Variants in PTPRS observed in about 807,000 individuals in gnomAD.
PTPRS encodes the protein receptor-type tyrosine-protein phosphatase S.
In PTPRS, 63 loss-of-function variants were observed where a neutral mutation model predicts 215.3. The observed-to-expected ratio is 0.29, with a 90% confidence interval of 0.24 to 0.36. The LOEUF is 0.36. PTPRS is among the 10% of genes least tolerant of loss of function. The probability of loss-of-function intolerance (pLI) is 1.00; values close to 1 mark genes in which losing one functional copy is unlikely to be tolerated. For missense variants in PTPRS, 2,258 were observed against 2,825.8 expected, an observed-to-expected ratio of 0.80 and a Z score of 4.56; for synonymous variants, 1,404 against 1,191.4, an observed-to-expected ratio of 1.18 and a Z score of -3.68.
rs750900753 is a variant in PTPRS, at chr19:5,215,241, T to C, written c.4318+48A>G. On this transcript the variant is annotated intron_variant, in intron 28 of 37. Coordinates refer to ENST00000262963, the MANE Select transcript of PTPRS (RefSeq NM_002850.4). Reference sequence around the variant, plus strand: ...AGGGGAGACATGGGATCTAGCACTTTCCATGCAGTGGGGAAGGGCAGGTTA... The same window carrying C: ...AGGGGAGACATGGGATCTAGCACTTCCCATGCAGTGGGGAAGGGCAGGTTA... The C allele has an allele frequency of 4.7e-5, 76 of 1,606,462 alleles. No individual in the cohort carries two copies. In the South Asian group the frequency reaches 6.2e-4, roughly 13 times the overall value.
intron 5 of PTPRS, among the ~76,000 whole-genome samples, chr19:5,263,834 T>C (rs963016513): frequency 1.3e-5 from 2 of 152,122 alleles, no homozygotes; most frequent in Non-Finnish European, 2.9e-5. Flanking sequence ...GGCGGACACT[T>C]TGCTCCGGGC....
intron 30 of PTPRS, among the ~76,000 whole-genome samples, 173 bp downstream of exon 30, chr19:5,214,188 C>A (rs78721605): frequency 0.12 from 18,288 of 152,264 alleles, 1,298 homozygotes; most frequent in African/African-American, 0.19. Flanking sequence ...CTCTCTGAGC[C>A]TCAGTTTCCC....
chr19:5,308,829 T>C (rs990397554), intron 1 of PTPRS, among the ~76,000 whole-genome samples: 2 of 152,244 alleles, frequency 1.3e-5, no homozygotes, highest in African/African-American at 2.4e-5. Flanking sequence ...CCACAATGCC[T>C]GGCCAAGCGC....
At chr19:5,288,140 C>T (rs142365396) in intron 1 of PTPRS, among the ~76,000 whole-genome samples, 1 of 152,228 alleles carries the variant, frequency 6.6e-6, no homozygotes, top group East Asian at 1.9e-4. Flanking sequence ...TACACATACA[C>T]AGTTGGGTTA....
intron 2 of PTPRS, among the ~76,000 whole-genome samples, chr19:5,281,704 C>T (rs1425419235): frequency 1.3e-5 from 2 of 152,134 alleles, no homozygotes; most frequent in Admixed American, 6.6e-5. Flanking sequence ...TCACTGTGGC[C>T]GGGTCAAGAA....
intron 28 of PTPRS, among the ~76,000 whole-genome samples, chr19:5,214,990 G>A (rs2041287473): frequency 6.6e-6 from 1 of 152,262 alleles, no homozygotes; most frequent in Non-Finnish European, 1.5e-5. Flanking sequence ...CTCCACGCCA[G>A]CAACATTTCT....
Position 5,218,499 on chromosome 19 carries a change from G to A in PTPRS, c.3969C>T (p.Cys1323=). 3.1e-6 allele frequency: 5 copies of A among 1,614,184 alleles called. No individual in the cohort carries two copies. The highest frequency in any genetic ancestry group is 4.2e-6 in the Non-Finnish European group (5 of 1,180,036). ...KRKDSEPRTK[C]LLNNADLAPH... ...GGGCGAGGTCGGCATTGTTCAGGAG[G>A]CATTTGGTGCGGGGTTCTGAGTCCT... The change falls in exon 25 of 38, where the codon TGC becomes TGT. Residue 1323 remains cysteine (C), a synonymous_variant. Coordinates refer to ENST00000262963, the MANE Select transcript of PTPRS (RefSeq NM_002850.4).
chr19:5,333,134 C>G (rs936823394), intron 1 of PTPRS, among the ~76,000 whole-genome samples: 10 of 151,242 alleles, frequency 6.6e-5, no homozygotes, highest in Non-Finnish European at 1.3e-4. Context: ...GGCGACAGAG[C>G]AAGACTGTCT....
intron 1 of PTPRS, among the ~76,000 whole-genome samples, chr19:5,301,316 T>TG (rs2049296596): frequency 7.4e-6 from 1 of 134,968 alleles, no homozygotes. Flanking sequence ...AAGTTGTTGC[T>TG]GTTTTTTTTT....
chr19:5,249,380 C>G (rs1189425252), intron 9 of PTPRS, among the ~76,000 whole-genome samples: 2 of 152,162 alleles, frequency 1.3e-5, no homozygotes, highest in Admixed American at 1.3e-4. Flanking sequence ...CTACTGAATT[C>G]CCATCTTATT....
At chr19:5,215,461 C>T (rs10407635) in intron 27 of PTPRS, 37 bp downstream of exon 27, 231,201 of 1,606,678 alleles carry the variant, frequency 0.14, 19,451 homozygotes, top group African/African-American at 0.36. Context: ...GCCTGTGAGG[C>T]CGAGGTGATG....
At chr19:5,333,994 G>A (rs527394581) in intron 1 of PTPRS, among the ~76,000 whole-genome samples, 11 of 135,068 alleles carry the variant, frequency 8.1e-5, no homozygotes, top group African/African-American at 2.6e-4. Context: ...GTGATCACTC[G>A]GGCCCACCAG....
chr19:5,299,871 G>A (rs771944168), intron 1 of PTPRS, among the ~76,000 whole-genome samples: 4 of 151,408 alleles, frequency 2.6e-5, no homozygotes, highest in East Asian at 1.9e-4. Context: ...ACTCTGCTTC[G>A]AAATAAAATA....
Position 5,220,256 on chromosome 19 carries a change from T to C in PTPRS, c.3549+4A>G. ...GCCCTGCGGGTTGGGCCCCAGGCCCTCACCTCTTCCAGATCCATGTCCTCT... is the reference window on the plus strand; with the variant it reads ...GCCCTGCGGGTTGGGCCCCAGGCCCCCACCTCTTCCAGATCCATGTCCTCT... On this transcript the variant is annotated splice_donor_region_variant and intron_variant, in intron 21 of 37. Coordinates refer to ENST00000262963, the MANE Select transcript of PTPRS (RefSeq NM_002850.4). 6.2e-7 allele frequency: 1 copy of C among 1,613,704 alleles called. No homozygotes were observed. The highest frequency in any genetic ancestry group is 8.5e-7 in the Non-Finnish European group (1 of 1,179,776).
rs769135047 is a variant in PTPRS at position 5,208,397 on chromosome 19, G to A, written c.5488-6C>T. On this transcript the variant is annotated splice_region_variant and splice_polypyrimidine_tract_variant and intron_variant, in intron 35 of 37. Transcript: ENST00000262963. ...ACAGTCCGGGACTGGCCATCCTAGAGTGCAGAGAGCCCAATCTTGTTATCA... is the reference window on the plus strand; with the variant it reads ...ACAGTCCGGGACTGGCCATCCTAGAATGCAGAGAGCCCAATCTTGTTATCA... 5.1e-6 allele frequency: 8 copies of A among 1,574,160 alleles called. No homozygotes were observed. In the African/African-American group the frequency reaches 1.1e-4, roughly 21 times the overall value.
intron 1 of PTPRS, among the ~76,000 whole-genome samples, chr19:5,301,318 T>G (rs1378542191): frequency 2.9e-5 from 2 of 70,024 alleles, no homozygotes; most frequent in South Asian, 3.4e-4. Flanking sequence ...GTTGTTGCTG[T>G]TTTTTTTTTT....
At chr19:5,256,502 GC>G (rs960639982) in intron 8 of PTPRS, among the ~76,000 whole-genome samples, 1 of 151,992 alleles carries the variant, frequency 6.6e-6, no homozygotes, top group African/African-American at 2.4e-5. Flanking sequence ...GGACACAGAA[GC>G]CCCCCTCCCT....
chr19:5,281,916 G>A (rs953756856), intron 2 of PTPRS, among the ~76,000 whole-genome samples: 1 of 152,252 alleles, frequency 6.6e-6, no homozygotes, highest in African/African-American at 2.4e-5. Flanking sequence ...CCAGGGTCCC[G>A]TCCTCCTCCT....
chr19:5,291,495 G>A (rs2048813811), intron 1 of PTPRS, among the ~76,000 whole-genome samples: 1 of 152,036 alleles, frequency 6.6e-6, no homozygotes, highest in Admixed American at 6.5e-5. Context: ...AAGATCTGGG[G>A]GTACCCCTGC....
Sources: allele counts gnomAD v4.1 joint callset (sites outside exome capture counted in the v4.1 genomes callset), GRCh38; gene constraint gnomAD v4.1.1; transcripts MANE v1.5; gene names NCBI Gene and HGNC (gene_info 2026-07-23, HGNC 2026-07-21).